The following GLCCI1 variants were observed in gnomAD, a reference collection of about 807,000 sequenced individuals.
GLCCI1 encodes glucocorticoid-induced transcript 1 protein.
GLCCI1 carries 24 observed loss-of-function variants against 52.2 expected under a neutral mutation model. The ratio of observed to expected loss-of-function variants is 0.46; its 90% CI spans 0.33 to 0.65. The LOEUF (loss-of-function observed/expected upper bound fraction) is 0.65, where lower values mean the gene tolerates loss of function less well. Among genes scored for constraint, GLCCI1 ranks in the 30% least tolerant of loss-of-function variants. The pLI is 0.02. For synonymous variants in GLCCI1, 310 were observed against 276.5 expected, an observed-to-expected ratio of 1.12 and a Z score of -1.20; for missense variants, 704 against 701.5, an observed-to-expected ratio of 1.00 and a Z score of -0.04.
chr7:8,068,282 G>A lies in GLCCI1; in HGVS notation c.967-2639G>A, dbSNP rs546100920. 4.0e-4 allele frequency among the ~76,000 whole-genome samples: 61 copies of A among 152,244 alleles called. No homozygotes were observed. In the South Asian group the frequency reaches 8.5e-3, roughly 21 times the overall value. On this transcript the variant is annotated intron_variant, in intron 5 of 7. Transcript: ENST00000223145. Reference sequence around the variant, plus strand: ...GGAGAATCTCTTGAACCCAGGAGGCGGAGGTTGCAGTGAGCCGAGATTGTG... The same window carrying A: ...GGAGAATCTCTTGAACCCAGGAGGCAGAGGTTGCAGTGAGCCGAGATTGTG...
intron 3 of GLCCI1, among the ~76,000 whole-genome samples, chr7:8,043,511 T>C (rs1782049806): frequency 1.3e-5 from 2 of 152,304 alleles, no homozygotes; most frequent in African/African-American, 2.4e-5. Context: ...TTTATCAAAA[T>C]TGCAGAAAAG....
At chr7:7,978,362 T>C (rs1780538598) in intron 1 of GLCCI1, among the ~76,000 whole-genome samples, 2 of 152,232 alleles carry the variant, frequency 1.3e-5, no homozygotes, top group African/African-American at 4.8e-5. Context: ...TTTAGCAACA[T>C]TTAACATAGT....
chr7:7,998,596 A>C (rs1780991725), intron 1 of GLCCI1, among the ~76,000 whole-genome samples: 1 of 152,190 alleles, frequency 6.6e-6, no homozygotes, highest in Non-Finnish European at 1.5e-5. Context: ...GTCTTTTTCC[A>C]AAGAAGCTAT....
At chr7:8,013,376 T>C (rs969242080) in intron 2 of GLCCI1, among the ~76,000 whole-genome samples, 13 of 152,202 alleles carry the variant, frequency 8.5e-5, no homozygotes, top group Non-Finnish European at 8.8e-5. Context: ...TATTGTTATA[T>C]CATAAATTTC....
chr7:8,018,721 A>G (rs1304460490), intron 2 of GLCCI1, among the ~76,000 whole-genome samples: 1 of 152,084 alleles, frequency 6.6e-6, no homozygotes, highest in African/African-American at 2.4e-5. Context: ...TTTTTTGTTA[A>G]TAGTCTTACA....
chr7:7,973,940 TTC>T (rs1242124390), intron 1 of GLCCI1, among the ~76,000 whole-genome samples: 4 of 152,132 alleles, frequency 2.6e-5, no homozygotes, highest in African/African-American at 9.6e-5. Flanking sequence ...TACTCAGATA[TTC>T]TCTTTCTATA....
At chr7:8,003,215 A>T (rs1318652419) in intron 1 of GLCCI1, among the ~76,000 whole-genome samples, 2 of 152,134 alleles carry the variant, frequency 1.3e-5, no homozygotes, top group Admixed American at 1.3e-4. Flanking sequence ...TCTTAGAAGG[A>T]AGGCGAGAGG....
intron 1 of GLCCI1, among the ~76,000 whole-genome samples, chr7:8,001,901 A>G (rs1468371224): frequency 1.3e-5 from 2 of 152,180 alleles, no homozygotes; most frequent in Admixed American, 1.3e-4. Flanking sequence ...AACAATGAGA[A>G]CACTTGGACA....
chr7:8,055,540 T>A lies in GLCCI1; in HGVS notation c.804T>A (p.Ser268Arg). ...TTCATGGCAACCATATAACAATCAG[T>A]CACACTCAGGTAGGCTAACTTCTTG... ...SPLHGNHITISHTQATGSRSV... is the reference protein window; with the variant it reads ...SPLHGNHITIRHTQATGSRSV... Residue 268 changes from serine (S) to arginine (R), a missense_variant, in exon 4 of 8, where the codon AGT (serine) becomes AGA (arginine). By Grantham distance (110) the Ser-to-Arg change is moderately radical. Around this residue, in one of 3 missense-constraint regions of GLCCI1, gnomAD observed 547 missense variants for 524.8 expected, o/e 1.04. Coordinates refer to ENST00000223145, the MANE Select transcript of GLCCI1 (RefSeq NM_138426.4). The A allele has an allele frequency of 6.3e-7, 1 of 1,590,430 alleles. No homozygotes were observed. The highest frequency in any genetic ancestry group is 8.6e-7 in the Non-Finnish European group (1 of 1,158,420).
At chr7:7,979,506 T>G (rs762253782) in intron 1 of GLCCI1, among the ~76,000 whole-genome samples, 1 of 152,214 alleles carries the variant, frequency 6.6e-6, no homozygotes, top group Non-Finnish European at 1.5e-5. Context: ...TTTTCTTTCA[T>G]TAGATGAAGC....
chr7:8,062,365 TCAAA>T (rs1044905774), intron 5 of GLCCI1, among the ~76,000 whole-genome samples: 10 of 152,216 alleles, frequency 6.6e-5, no homozygotes, highest in African/African-American at 1.7e-4. Flanking sequence ...TTTCTGTTTA[TCAAA>T]CAAACTGATA....
chr7:8,002,471 C>T (rs960819070), intron 1 of GLCCI1, among the ~76,000 whole-genome samples: 9 of 152,104 alleles, frequency 5.9e-5, no homozygotes, highest in African/African-American at 1.9e-4. Flanking sequence ...TAAAGTAATA[C>T]AGATAAAGAG....
chr7:8,056,601 C>T (rs1782403839), intron 4 of GLCCI1, among the ~76,000 whole-genome samples: 1 of 152,074 alleles, frequency 6.6e-6, no homozygotes, highest in Non-Finnish European at 1.5e-5. Context: ...TCAAAACAAA[C>T]CCCAATTAGG....
rs145220121 is a variant in GLCCI1 at position 8,048,210 on chromosome 7, A to T, written c.697-7223A>T. 8.9e-4 allele frequency among the ~76,000 whole-genome samples: 135 copies of T among 152,226 alleles called. 1 individual carries two copies. The highest frequency in any genetic ancestry group is 3.2e-3 in the African/African-American group (132 of 41,548). ...TCTTTGGAGATCCCCTGTTCTGCAC[A>T]TCTCTTACCTACAGTTATTTCTGGG... is the stretch of plus-strand genomic sequence containing the variant. On this transcript the variant is annotated intron_variant, in intron 3 of 7. Coordinates refer to ENST00000223145, the MANE Select transcript of GLCCI1 (RefSeq NM_138426.4).
intron 5 of GLCCI1, among the ~76,000 whole-genome samples, chr7:8,069,146 C>T (rs1051479697): frequency 2.0e-5 from 3 of 152,128 alleles, no homozygotes; most frequent in African/African-American, 7.2e-5. Flanking sequence ...TCTCTCCCAG[C>T]TTGGAGGCAG....
chr7:7,993,653 T>G (rs1037092050), intron 1 of GLCCI1, among the ~76,000 whole-genome samples: 5 of 152,222 alleles, frequency 3.3e-5, no homozygotes, highest in Non-Finnish European at 5.9e-5. Context: ...ACACAGATGC[T>G]GATACCACTA....
intron 1 of GLCCI1, among the ~76,000 whole-genome samples, chr7:7,995,827 C>G (rs1780927367): frequency 3.3e-5 from 5 of 151,860 alleles, no homozygotes; most frequent in Admixed American, 2.6e-4. Flanking sequence ...GTGCAGCACA[C>G]CAACATGGCA....
intron 4 of GLCCI1, among the ~76,000 whole-genome samples, chr7:8,056,964 T>C (rs374912381): frequency 6.6e-5 from 10 of 152,164 alleles, no homozygotes; most frequent in East Asian, 3.8e-4. Flanking sequence ...ACATATGATA[T>C]TATATATTTA....
chr7:8,060,294 C>A, intron 5 of GLCCI1, 46 bp downstream of exon 5: 1 of 1,475,518 alleles, frequency 6.8e-7, no homozygotes, highest in Non-Finnish European at 9.4e-7. Flanking sequence ...TCTGATATAA[C>A]GAACTGTCTG....
Sources: allele counts gnomAD v4.1 joint callset (sites outside exome capture counted in the v4.1 genomes callset), GRCh38; gene constraint gnomAD v4.1.1; regional missense constraint gnomAD v4.1.1; transcripts MANE v1.5; gene names NCBI Gene and HGNC (gene_info 2026-07-23, HGNC 2026-07-21).